The following GNPTAB variants were observed in gnomAD, a reference collection of about 807,000 sequenced individuals.
GNPTAB encodes the protein N-acetylglucosamine-1-phosphate transferase subunits alpha and beta, also known as N-acetylglucosamine-1-phosphotransferase subunits alpha/beta.
A neutral mutation model predicts 136.6 loss-of-function variants in GNPTAB; 92 were observed. That is an observed-to-expected ratio of 0.67 (90% CI 0.57 to 0.80). The LOEUF (loss-of-function observed/expected upper bound fraction) is 0.80. GNPTAB is among the 30% of genes least tolerant of loss of function. The pLI is 0.00. For synonymous variants in GNPTAB, 512 were observed against 535.1 expected (o/e 0.96, Z 0.60); for missense variants, 1,343 against 1,501.8 (o/e 0.89, Z 1.75).
rs1871326349 is a variant in GNPTAB at position 101,830,677 on chromosome 12, AC to A, written c.-3del. The A allele has an allele frequency of 6.5e-7, 1 of 1,532,682 alleles. No individual in the cohort carries two copies. The highest frequency in any genetic ancestry group is 1.7e-5 in the Admixed American group (1 of 59,344). The allele number at this position is 1,532,682 out of a possible 1,614,324, so 94.9% of individuals were successfully genotyped here. Reference sequence around the variant, plus strand: ...TCTCTGCAGGAGCTTGAACAGCATCACCCCTTCACCGCCACGCCACGCCCCG... The same window carrying A: ...TCTCTGCAGGAGCTTGAACAGCATCACCCTTCACCGCCACGCCACGCCCCG... On this transcript the variant is annotated 5_prime_UTR_variant, in exon 1 of 21. Coordinates refer to ENST00000299314, the MANE Select transcript of GNPTAB (RefSeq NM_024312.5).
At chr12:101,763,343 G>T (rs1953030986) in intron 13 of GNPTAB, among the ~76,000 whole-genome samples, 1 of 152,082 alleles carries the variant, frequency 6.6e-6, no homozygotes, top group African/African-American at 2.4e-5. Context: ...CAAGGCACAA[G>T]ATACTTCCTA....
chr12:101,805,820 C>T (rs1869904847), intron 1 of GNPTAB, among the ~76,000 whole-genome samples: 1 of 152,138 alleles, frequency 6.6e-6, no homozygotes, highest in South Asian at 2.1e-4. Flanking sequence ...GTTAATTCCA[C>T]TACAAGAAAC....
At position 101,761,110 on chromosome 12, in the gene GNPTAB, A is replaced by G. The variant is rs369922936; in HGVS notation, c.3135+17T>C. The G allele has an allele frequency of 3.8e-6, 6 of 1,572,542 alleles. No homozygotes were observed. Among genetic ancestry groups the G allele is most frequent in the Non-Finnish European group, 5.2e-6 (6 of 1,143,282 alleles). ...CATTTAAAACATCAAAAAGTTTAGA[A>G]TAAGACAATACAACACCTGCAAACT... On this transcript the variant is annotated intron_variant, in intron 15 of 20. Coordinates refer to ENST00000299314, the MANE Select transcript of GNPTAB (RefSeq NM_024312.5).
At chr12:101,768,011 C>A (rs748692662) in intron 11 of GNPTAB, 26 bp downstream of exon 11, 1 of 1,611,124 alleles carries the variant, frequency 6.2e-7, no homozygotes, top group South Asian at 1.1e-5. Context: ...TAAAAATGAA[C>A]GAATTACAGT....
At chr12:101,778,473 A>G (rs1953291076) in intron 7 of GNPTAB, 1 of 152,250 alleles carries the variant, frequency 6.6e-6, no homozygotes, top group South Asian at 2.1e-4. Flanking sequence ...AAGTTAATCT[A>G]TGGTTTTATC....
In GNPTAB at chr12:101,780,199, G is replaced by T. The variant is rs761467513; in HGVS notation, c.724C>A (p.Gln242Lys). The change falls in exon 7 of 21, where the codon CAA becomes AAA. Residue 242 changes from glutamine (Q) to lysine (K), a missense_variant. Gln to Lys is a moderately conservative substitution (Grantham distance 53, BLOSUM62 1). Transcript: ENST00000299314. ...TTTTCTGGCAATTTTGTTTTTAGTT[G>T]ATTTGTTTCCTTGAATGTTGGTGGA... ...GFPPTFKETN[Q>K]LKTKLPENLS... 6.2e-7 allele frequency: 1 copy of T among 1,613,528 alleles called. No individual in the cohort carries two copies. Among genetic ancestry groups the T allele is most frequent in the South Asian group, 1.1e-5 (1 of 91,074 alleles).
Position 101,746,313 on chromosome 12 carries a change from G to GAATATACC in GNPTAB, c.*843_*850dup, listed in dbSNP as rs1952733535. Reference sequence around the variant, plus strand: ...AACCAACTGAGAGAGATAGCTACTGGAATATACCAATGAGTATTAAACAAG... The same window carrying GAATATACC: ...AACCAACTGAGAGAGATAGCTACTGGAATATACCAATATACCAATGAGTATTAAACAAG... On this transcript the variant is annotated 3_prime_UTR_variant, in exon 21 of 21. Transcript: ENST00000299314. 2 of 152,214 alleles carry GAATATACC rather than the reference G, an allele frequency of 1.3e-5. No homozygotes were observed. Among genetic ancestry groups the GAATATACC allele is most frequent in the South Asian group, 4.1e-4 (2 of 4,826 alleles). The allele number at this position is 152,214 out of a possible 1,614,324, so 9.4% of individuals were successfully genotyped here.
At chr12:101,818,806 C>T (rs757308434) in intron 1 of GNPTAB, among the ~76,000 whole-genome samples, 1 of 152,086 alleles carries the variant, frequency 6.6e-6, no homozygotes, top group Non-Finnish European at 1.5e-5. Flanking sequence ...GGGAGGTAAC[C>T]GAATCATGGG....
chr12:101,803,162 C>A (rs1157922196), intron 1 of GNPTAB, among the ~76,000 whole-genome samples: 1 of 152,102 alleles, frequency 6.6e-6, no homozygotes, highest in African/African-American at 2.4e-5. Context: ...GAATCAAGGT[C>A]CCTCTAACCT....
At chr12:101,767,810 G>T in intron 11 of GNPTAB, 1 of 634,660 alleles carries the variant, frequency 1.6e-6, no homozygotes, top group Non-Finnish European at 2.8e-6. Flanking sequence ...TAGAGATGGG[G>T]TCTTACTATG....
At chr12:101,792,859 T>C (rs1869071055) in intron 2 of GNPTAB, among the ~76,000 whole-genome samples, 1 of 152,200 alleles carries the variant, frequency 6.6e-6, no homozygotes, top group Non-Finnish European at 1.5e-5. Context: ...GGGCTCTCTC[T>C]CCCTACTGTA....
intron 5 of GNPTAB, among the ~76,000 whole-genome samples, chr12:101,781,943 G>A (rs1044922670): frequency 7.9e-5 from 12 of 152,176 alleles, no homozygotes; most frequent in African/African-American, 2.4e-4. Context: ...ATACAGGCTC[G>A]ATGCTCAGGT....
intron 20 of GNPTAB, 25 bp downstream of exon 20, chr12:101,749,076 C>A (rs370518856): frequency 2.4e-6 from 3 of 1,234,440 alleles, no homozygotes; most frequent in Non-Finnish European, 3.6e-6. Flanking sequence ...CCATTTAATA[C>A]CCACATAAAA....
intron 1 of GNPTAB, among the ~76,000 whole-genome samples, chr12:101,802,793 A>G (rs1869721166): frequency 6.6e-6 from 1 of 152,210 alleles, no homozygotes; most frequent in African/African-American, 2.4e-5. Context: ...AAGGGCCCGA[A>G]CAGAATGGGA....
chr12:101,804,071 A>T (rs77009775), intron 1 of GNPTAB, among the ~76,000 whole-genome samples: 6 of 148,030 alleles, frequency 4.1e-5, no homozygotes, highest in African/African-American at 1.2e-4. Context: ...GTCTCTATTT[A>T]AAAAAAAAAA....
Position 101,764,335 on chromosome 12 carries a change from C to G in GNPTAB, c.2582G>C (p.Arg861Thr), listed in dbSNP as rs139411012. The part of the protein sequence containing the change: ...KITGKEKENS[R>T]MEENAENHIG... ...GTGATTTTCAGCATTTTCCTCCATT[C>G]TACTGTTCTCTTTTTCTTTCCCTGT... Residue 861 changes from arginine to threonine, a missense_variant, in exon 13 of 21, where the codon AGA (arginine) becomes ACA (threonine). Physicochemically the swap from Arg to Thr is moderately conservative, Grantham distance 71. Transcript: ENST00000299314. 4 of 1,614,004 alleles carry G rather than the reference C, an allele frequency of 2.5e-6. No individual in the cohort carries two copies. In the African/African-American group the frequency reaches 5.3e-5, roughly 22 times the overall value.
At position 101,747,161 on chromosome 12, in the gene GNPTAB, CTTCTATACTCTGA is replaced by C. The variant is rs752135662; in HGVS notation, c.3761_*2del. On this transcript the variant is annotated stop_lost and 3_prime_UTR_variant, in exon 21 of 21. Transcript: ENST00000299314. ...AGGTAGATGGTTTTCAAATGAAGATCTTCTATACTCTGATTCGATTGGGACTAGCTTCTTTGTG... is the reference window on the plus strand; with the variant it reads ...AGGTAGATGGTTTTCAAATGAAGATCTTCGATTGGGACTAGCTTCTTTGTG... 4 of 1,526,226 alleles carry C rather than the reference CTTCTATACTCTGA, an allele frequency of 2.6e-6. No homozygotes were observed. The African/African-American group carries it at 5.5e-5, about 21-fold the overall frequency. 94.5% of individuals were successfully genotyped at this position (1,526,226 alleles called of 1,614,324 possible).
chr12:101,813,251 C>T (rs1009420376), intron 1 of GNPTAB, among the ~76,000 whole-genome samples: 6 of 152,140 alleles, frequency 3.9e-5, no homozygotes, highest in Non-Finnish European at 5.9e-5. Context: ...CACTTGAAAA[C>T]GTAAAAGCCA....
At chr12:101,805,888 T>C (rs1869908499) in intron 1 of GNPTAB, among the ~76,000 whole-genome samples, 2 of 152,262 alleles carry the variant, frequency 1.3e-5, no homozygotes, top group East Asian at 3.9e-4. Flanking sequence ...TAATCACCAT[T>C]ATTACCGATA....
Sources: gnomAD v4.1 joint callset for allele counts (sites outside exome capture counted in the v4.1 genomes callset) on GRCh38, gnomAD v4.1.1 for gene constraint, MANE v1.5 for transcripts, NCBI Gene and HGNC (gene_info 2026-07-23, HGNC 2026-07-21) for gene names.